Variants in SPTBN5 observed in about 807,000 individuals in gnomAD.
SPTBN5 encodes spectrin beta chain, non-erythrocytic 5.
Under a neutral mutation model 477.6 loss-of-function variants are expected in SPTBN5, and 513 were observed. The ratio of observed to expected loss-of-function variants is 1.07; its 90% CI spans 1.00 to 1.16. The LOEUF is 1.16. SPTBN5 is among the 50% of genes most tolerant of loss of function. The pLI is 0.00. For synonymous variants in SPTBN5, 2,169 were observed against 2,011.7 expected (o/e 1.08, Z -2.09); for missense variants, 5,062 against 4,731.8 (o/e 1.07, Z -2.05).
intron 34 of SPTBN5, 120 bp downstream of exon 34, chr15:41,867,949 C>A (rs905572646): frequency 8.2e-6 from 11 of 1,337,392 alleles, no homozygotes; most frequent in Non-Finnish European, 1.1e-5. Context: ...AGGACTTGTG[C>A]ACAGCTGCCT....
rs527590696 is a variant in SPTBN5 at position 41,880,490 on chromosome 15, C to A, written c.2659-178G>T. Among the ~76,000 whole-genome samples, 539 of 152,354 alleles carry A rather than the reference C, an allele frequency of 3.5e-3. 3 individuals are homozygous for A. Among genetic ancestry groups the A allele is most frequent in the African/African-American group, 0.012 (514 of 41,590 alleles). On this transcript the variant is annotated intron_variant, in intron 13 of 67. Coordinates refer to ENST00000320955, the MANE Select transcript of SPTBN5 (RefSeq NM_016642.4). ...ATCCTCTCTCAGAGCCCTCTTGGCA[C>A]CACCTGGAGGGAGATGGCAAGGGCT... is the stretch of plus-strand genomic sequence containing the variant.
chr15:41,872,163 G>T, intron 27 of SPTBN5, 139 bp downstream of exon 27: 2 of 1,194,496 alleles, frequency 1.7e-6, no homozygotes, highest in Non-Finnish European at 2.3e-6. Context: ...AAAGAGGTGA[G>T]CAACACACAC....
In SPTBN5 at chr15:41,881,178, A is replaced by C. The variant is rs988103251; in HGVS notation, c.2514T>G (p.Ser838Arg). Residue 838 changes from serine to arginine, a missense_variant, in exon 13 of 68, where the codon AGT becomes AGG. Physicochemically the swap from Ser to Arg is moderately radical, Grantham distance 110 (BLOSUM62 -1). Coordinates refer to ENST00000320955, the MANE Select transcript of SPTBN5 (RefSeq NM_016642.4). The stretch of plus-strand genomic sequence containing the variant: ...CAGGGCCAGGGTGGCAGGAAGCCTC[A>C]CTCCAGGGCCCTGGGTTCCTCAGGC... ...GESLRNPGPW[S>R]EASCHPGPGD... 1.9e-6 allele frequency: 3 copies of C among 1,612,726 alleles called. No individual in the cohort carries two copies. In the African/African-American group the frequency reaches 4.0e-5, roughly 22 times the overall value.
rs370954047 is a variant in SPTBN5, at chr15:41,855,527, G to A, written c.9218+22C>T. 109 of 1,604,488 alleles carry A rather than the reference G, an allele frequency of 6.8e-5. No individual in the cohort carries two copies. The East Asian group carries it at 8.5e-4, about 13-fold the overall frequency. On this transcript the variant is annotated intron_variant, in intron 54 of 67. Coordinates refer to ENST00000320955, the MANE Select transcript of SPTBN5 (RefSeq NM_016642.4). ...AGGGGGCTTCTCTCTGCTCCTTCGC[G>A]GATGGTGTGGCTTCCGCCCACCTTT...
In SPTBN5 at chr15:41,874,001, C is replaced by T. The variant is rs374520033; in HGVS notation, c.4734G>A (p.Arg1578=). 6.2e-7 allele frequency: 1 copy of T among 1,603,180 alleles called. No homozygotes were observed. Among genetic ancestry groups the T allele is most frequent in the Non-Finnish European group, 8.5e-7 (1 of 1,179,634 alleles). ...EVKAHQGQVQ[R]VLSSGRSLAA... The stretch of plus-strand genomic sequence containing the variant: ...CCAGGCTCCGCCCAGAACTCAGCAC[C>T]CGTTGCACCTGCCCCTGGTGAGCTT... The change falls in exon 25 of 68, where the codon CGG becomes CGA. Residue 1578 remains arginine, a synonymous_variant. Transcript: ENST00000320955.
rs1567185098 is a variant in SPTBN5, at chr15:41,855,356, C to T, written c.9291G>A (p.Arg3097=). ...GCAGCTGCTCCTGCAGGCCGTGCCC[C>T]CTGGCCTCCGCCCTCCGCAGCAGCT... ...HAELLRRAEA[R]GHGLQEQLQL... The change falls in exon 55 of 68, where the codon AGG becomes AGA. Residue 3097 remains arginine (R), a synonymous_variant. Transcript: ENST00000320955. 1.9e-6 allele frequency: 3 copies of T among 1,605,990 alleles called. No homozygotes were observed. Among genetic ancestry groups the T allele is most frequent in the Non-Finnish European group, 2.5e-6 (3 of 1,179,672 alleles).
At chr15:41,852,515 G>T in intron 61 of SPTBN5, 119 bp downstream of exon 61, 2 of 1,334,222 alleles carry the variant, frequency 1.5e-6, no homozygotes, top group Non-Finnish European at 2.1e-6. Context: ...GCTGGCCAGG[G>T]AAAGGAGCAG....
intron 66 of SPTBN5, chr15:41,850,577 G>T: frequency 2.1e-6 from 1 of 472,924 alleles, no homozygotes; most frequent in East Asian, 3.5e-5. Context: ...GCTTGGGGCA[G>T]TCTGAGTGGC....
Position 41,882,088 on chromosome 15 carries a change from C to T in SPTBN5, c.2305G>A (p.Glu769Lys). 2 of 1,573,788 alleles carry T rather than the reference C, an allele frequency of 1.3e-6. No homozygotes were observed. The highest frequency in any genetic ancestry group is 1.7e-6 in the Non-Finnish European group (2 of 1,171,114). The change falls in exon 12 of 68, where the codon GAG becomes AAG. Residue 769 changes from glutamate (E) to lysine (K), a missense_variant. Coordinates refer to ENST00000320955, the MANE Select transcript of SPTBN5 (RefSeq NM_016642.4). ...SWLRERRSSLERASCGQDQAA... is the reference protein window; with the variant it reads ...SWLRERRSSLKRASCGQDQAA... ...TGGTCCTGACCGCAGGACGCTCTCT[C>T]CAGCGAGGATCGCCGCTCGCGCAGC...
intron 56 of SPTBN5, among the ~76,000 whole-genome samples, chr15:41,854,501 A>G (rs764919622): frequency 6.6e-6 from 1 of 151,900 alleles, no homozygotes; most frequent in Non-Finnish European, 1.5e-5. Flanking sequence ...GTTCTCGGGG[A>G]TCTGGCTGAC....
chr15:41,848,966 CTAAATCATA>C (rs1244495304), intron 67 of SPTBN5, among the ~76,000 whole-genome samples: 1 of 152,092 alleles, frequency 6.6e-6, no homozygotes, highest in Non-Finnish European at 1.5e-5. Context: ...AACACATCAT[CTAAATCATA>C]TATTGGGCTC....
chr15:41,877,702 T>C (rs1274059702), intron 17 of SPTBN5, among the ~76,000 whole-genome samples: 1 of 152,240 alleles, frequency 6.6e-6, no homozygotes, highest in African/African-American at 2.4e-5. Flanking sequence ...TTTCAGCAGG[T>C]GGCTTGGGAA....
rs375645263 is a variant in SPTBN5 at position 41,870,500 on chromosome 15, G to C, written c.5508C>G (p.Thr1836=). 6.2e-7 allele frequency: 1 copy of C among 1,613,014 alleles called. No individual in the cohort carries two copies. The highest frequency in any genetic ancestry group is 2.2e-5 in the East Asian group (1 of 44,880). ...CTCTGTGAACTCTGAGGGTGGTCTCGGTGTCTCGGAGCGCGTGGCCTCGGG... is the reference window on the plus strand; with the variant it reads ...CTCTGTGAACTCTGAGGGTGGTCTCCGTGTCTCGGAGCGCGTGGCCTCGGG... The part of the protein sequence containing the change: ...TQARGHALRD[T]ETTLRVHRDL... The change falls in exon 30 of 68, where the codon ACC becomes ACG. Residue 1836 remains threonine (T), a synonymous_variant. Transcript: ENST00000320955.
At chr15:41,879,633 T>A in intron 15 of SPTBN5, 101 bp downstream of exon 15, 1 of 1,587,308 alleles carries the variant, frequency 6.3e-7, no homozygotes, top group Non-Finnish European at 8.6e-7. Context: ...CTCGGACACG[T>A]CCAGCCTCTC....
intron 32 of SPTBN5, 70 bp downstream of exon 32, chr15:41,869,771 G>C (rs982222518): frequency 1.9e-5 from 26 of 1,383,622 alleles, no homozygotes; most frequent in Non-Finnish European, 2.4e-5. Flanking sequence ...GGCCTCATGC[G>C]TGCATGCCCA....
At position 41,873,745 on chromosome 15, in the gene SPTBN5, G is replaced by T. The variant is rs2066619545; in HGVS notation, c.4890+100C>A. On this transcript the variant is annotated intron_variant, in intron 25 of 67. Transcript: ENST00000320955. ...GGCACCCATCAGCTCCCAGCCCAGA[G>T]CCCCCACCACTGATCCGCCTCCCTG... 6.5e-6 allele frequency: 10 copies of T among 1,528,656 alleles called. No individual in the cohort carries two copies. In the South Asian group the frequency reaches 7.0e-5, roughly 11 times the overall value. 94.7% of individuals were successfully genotyped at this position (1,528,656 alleles called of 1,614,324 possible). A position where few individuals can be genotyped will look rare whatever the true frequency, so the allele number is the denominator to read the frequency against.
At chr15:41,852,573 T>TGCA in intron 61 of SPTBN5, 61 bp downstream of exon 61, 1 of 1,548,366 alleles carries the variant, frequency 6.5e-7, no homozygotes, top group Non-Finnish European at 8.9e-7. Context: ...GACACTGACT[T>TGCA]GCAGGCTGAG....
intron 7 of SPTBN5, 129 bp from the exon 8 acceptor site, chr15:41,883,615 T>C (rs2067051947): frequency 1.8e-6 from 2 of 1,092,180 alleles, no homozygotes; most frequent in African/African-American, 1.6e-5. Context: ...GCAAGGTCTA[T>C]GGACTCTGAC....
chr15:41,855,574 G>A lies in SPTBN5; in HGVS notation c.9193C>T (p.Leu3065=), dbSNP rs1182242967. The change falls in exon 54 of 68, where the codon CTG becomes TTG. Residue 3065 remains leucine, a synonymous_variant. Transcript: ENST00000320955. The part of the protein sequence containing the change: ...IERLQQTAAL[L]ESRKNPESPK... The stretch of plus-strand genomic sequence containing the variant: ...CTTTCTGGGTTCTTCCTGCTCTCCA[G>A]GAGTGCTGCTGTCTGCTGCAGCCGC... 2 of 1,611,906 alleles carry A rather than the reference G, an allele frequency of 1.2e-6. No individual in the cohort carries two copies. Among genetic ancestry groups the A allele is most frequent in the African/African-American group, 2.7e-5 (2 of 74,924 alleles).
Sources: gnomAD v4.1 joint callset for allele counts (sites outside exome capture counted in the v4.1 genomes callset) on GRCh38, gnomAD v4.1.1 for gene constraint, MANE v1.5 for transcripts, NCBI Gene and HGNC (gene_info 2026-07-23, HGNC 2026-07-21) for gene names.